Variants in ULK2 observed in about 807,000 individuals in gnomAD.
ULK2 encodes the protein unc-51 like autophagy activating kinase 2.
Under a neutral mutation model 127.5 loss-of-function variants are expected in ULK2, and 76 were observed. The ratio of observed to expected loss-of-function variants is 0.60; its 90% CI spans 0.50 to 0.72. The LOEUF (loss-of-function observed/expected upper bound fraction) is 0.72, where lower values mean the gene tolerates loss of function less well. Ranked by LOEUF, ULK2 falls within the 30% of genes least tolerant of loss-of-function variation. The pLI is 0.00. For synonymous variants in ULK2, 452 were observed against 461.9 expected (o/e 0.98, Z 0.28); for missense variants, 1,144 against 1,295.9 (o/e 0.88, Z 1.80).
At chr17:19,840,821 G>A (rs1054906262) in intron 9 of ULK2, among the ~76,000 whole-genome samples, 3 of 151,822 alleles carry the variant, frequency 2.0e-5, no homozygotes, top group African/African-American at 7.3e-5. Context: ...CTCGGGAGGG[G>A]GAGGCTGCAG....
At chr17:19,857,042 AC>A (rs1184669740) in intron 3 of ULK2, among the ~76,000 whole-genome samples, 5 of 150,808 alleles carry the variant, frequency 3.3e-5, no homozygotes, top group African/African-American at 1.2e-4. Context: ...ACGGTGGCTC[AC>A]ACCTGTAATC....
intron 20 of ULK2, among the ~76,000 whole-genome samples, chr17:19,793,169 C>T (rs2087193778): frequency 6.6e-6 from 1 of 152,004 alleles, no homozygotes; most frequent in Non-Finnish European, 1.5e-5. Flanking sequence ...AGGAGAAATG[C>T]CAAGCAAAGC....
Position 19,780,465 on chromosome 17 carries a change from G to A in ULK2, c.2916+7C>T. On this transcript the variant is annotated splice_region_variant and intron_variant, in intron 25 of 26. Transcript: ENST00000395544. ...ACTATACAATATTAAACCTTAGAAA[G>A]GGTTACCATTTCTACAGCACAATTA... 1 of 1,605,654 alleles carries A rather than the reference G, an allele frequency of 6.2e-7. No homozygotes were observed. Among genetic ancestry groups the A allele is most frequent in the South Asian group, 1.1e-5 (1 of 89,090 alleles).
chr17:19,789,310 G>C (rs1001972678), intron 20 of ULK2, among the ~76,000 whole-genome samples: 3 of 152,120 alleles, frequency 2.0e-5, no homozygotes, highest in African/African-American at 7.2e-5. Flanking sequence ...TCTCTAGCTG[G>C]TAATCCATAG....
At chr17:19,849,436 A>G (rs2041964931) in intron 4 of ULK2, 31 bp from the exon 5 acceptor site, 1 of 1,581,322 alleles carries the variant, frequency 6.3e-7, no homozygotes, top group South Asian at 1.1e-5. Context: ...TAATGAAAAT[A>G]AGGACAGTGA....
chr17:19,782,995 A>G (rs191442906), intron 22 of ULK2, among the ~76,000 whole-genome samples: 84 of 152,328 alleles, frequency 5.5e-4, no homozygotes, highest in African/African-American at 2.0e-3. Context: ...ATTTGTTTTT[A>G]GTTATAAATG....
intron 10 of ULK2, among the ~76,000 whole-genome samples, chr17:19,834,096 C>T (rs551092574): frequency 6.6e-6 from 1 of 152,020 alleles, no homozygotes; most frequent in South Asian, 2.1e-4. Context: ...ACTAGGGAAA[C>T]CTAGTAAGAT....
intron 12 of ULK2, among the ~76,000 whole-genome samples, chr17:19,824,172 GTC>G (rs2041230797): frequency 6.6e-6 from 1 of 152,160 alleles, no homozygotes; most frequent in Non-Finnish European, 1.5e-5. Context: ...AGAAATTGAT[GTC>G]TGGGGCAGGG....
intron 10 of ULK2, among the ~76,000 whole-genome samples, chr17:19,832,388 C>T (rs1321892696): frequency 6.6e-6 from 1 of 151,952 alleles, no homozygotes; most frequent in Non-Finnish European, 1.5e-5. Flanking sequence ...CCAGCTCAGC[C>T]TCCTGAGTGG....
At chr17:19,793,432 G>A (rs559646277) in intron 20 of ULK2, among the ~76,000 whole-genome samples, 3 of 152,220 alleles carry the variant, frequency 2.0e-5, no homozygotes, top group Admixed American at 1.3e-4. Context: ...ATGGTGCTGC[G>A]ACCACTGAAT....
At chr17:19,794,358 C>T (rs2087220012) in intron 20 of ULK2, among the ~76,000 whole-genome samples, 1 of 152,100 alleles carries the variant, frequency 6.6e-6, no homozygotes, top group Admixed American at 6.5e-5. Context: ...GCAGAAGAAA[C>T]ATTCAAAGCA....
intron 8 of ULK2, among the ~76,000 whole-genome samples, chr17:19,842,188 T>TTC: frequency 6.8e-6 from 1 of 147,832 alleles, no homozygotes; most frequent in African/African-American, 2.6e-5. Context: ...AATTTTCTTT[T>TTC]TCTTTTTTTT....
intron 20 of ULK2, among the ~76,000 whole-genome samples, chr17:19,788,994 T>C (rs1236741250): frequency 6.6e-6 from 1 of 152,230 alleles, no homozygotes; most frequent in Non-Finnish European, 1.5e-5. Flanking sequence ...TCTCTGGACA[T>C]GCCTGGTGCC....
chr17:19,845,290 A>G lies in ULK2; in HGVS notation c.543+14T>C, dbSNP rs1181041474. 1 of 1,610,374 alleles carries G rather than the reference A, an allele frequency of 6.2e-7. No homozygotes were observed. The highest frequency in any genetic ancestry group is 1.7e-5 in the Admixed American group (1 of 59,944). The stretch of plus-strand genomic sequence containing the variant: ...CCATGCTTTAAACACACAAGGATGC[A>G]AACACTCACTCACCATGTACATCGG... On this transcript the variant is annotated intron_variant, in intron 7 of 26. Coordinates refer to ENST00000395544, the MANE Select transcript of ULK2 (RefSeq NM_014683.4).
chr17:19,782,366 T>C (rs1385811541), intron 22 of ULK2, among the ~76,000 whole-genome samples: 16 of 152,212 alleles, frequency 1.1e-4, no homozygotes. Context: ...ATTAAATCAA[T>C]ATACATGAGA....
intron 13 of ULK2, among the ~76,000 whole-genome samples, chr17:19,811,869 A>C (rs1478324940): frequency 1.3e-5 from 2 of 152,244 alleles, no homozygotes; most frequent in African/African-American, 4.8e-5. Context: ...TAGGACCAAT[A>C]AATAATCATA....
intron 20 of ULK2, among the ~76,000 whole-genome samples, chr17:19,792,712 A>G (rs548375435): frequency 6.6e-6 from 1 of 152,074 alleles, no homozygotes; most frequent in East Asian, 1.9e-4. Flanking sequence ...ACAGAGCGAG[A>G]CTCCGTCTCA....
intron 17 of ULK2, among the ~76,000 whole-genome samples, chr17:19,798,811 T>C (rs868510696): frequency 6.6e-6 from 1 of 152,174 alleles, no homozygotes; most frequent in Admixed American, 6.5e-5. Flanking sequence ...GGCAAATACA[T>C]ATAATTTTTA....
At chr17:19,827,015 C>G (rs2041314649) in intron 10 of ULK2, among the ~76,000 whole-genome samples, 1 of 152,058 alleles carries the variant, frequency 6.6e-6, no homozygotes. Flanking sequence ...AAACCATTCT[C>G]CATAATAGTT....
Sources: gnomAD v4.1 joint callset for allele counts (sites outside exome capture counted in the v4.1 genomes callset) on GRCh38, gnomAD v4.1.1 for gene constraint, MANE v1.5 for transcripts, NCBI Gene and HGNC (gene_info 2026-07-23, HGNC 2026-07-21) for gene names.